The following TDRD1 variants were observed in gnomAD, a reference collection of about 807,000 sequenced individuals.
TDRD1 encodes the protein tudor domain containing 1.
A neutral mutation model predicts 140.6 loss-of-function variants in TDRD1; 37 were observed. That is an observed-to-expected ratio of 0.26 (90% CI 0.20 to 0.35). TDRD1 has a LOEUF of 0.35. TDRD1 is among the 10% of genes least tolerant of loss of function. The pLI is 1.00. For synonymous variants in TDRD1, 506 were observed against 475.7 expected, an observed-to-expected ratio of 1.06 and a Z score of -0.83; for missense variants, 1,243 against 1,393.0, an observed-to-expected ratio of 0.89 and a Z score of 1.71.
Position 114,229,547 on chromosome 10 carries a change from C to CTT in TDRD1, c.3538+1439_3538+1440dup, listed in dbSNP as rs34051507. Among the ~76,000 whole-genome samples the CTT allele has an allele frequency of 6.1e-3, 773 of 126,220 alleles. 17 individuals are homozygous for CTT. Among genetic ancestry groups the CTT allele is most frequent in the African/African-American group, 0.018 (608 of 33,372 alleles). The allele number at this position is 126,220 out of a possible 152,430, so 82.8% of individuals were successfully genotyped here. ...ATGTTTAAGCTTAAAATCTTTTAAT[C>CTT]TTTTTTTTTTTTTTTTTTGGAGACG... is the stretch of plus-strand genomic sequence containing the variant. On this transcript the variant is annotated intron_variant, in intron 25 of 25. Transcript: ENST00000251864.
chr10:114,178,135 G>A (rs1433307535), upstream of TDRD1, among the ~76,000 whole-genome samples: 4 of 151,958 alleles, frequency 2.6e-5, no homozygotes, highest in East Asian at 1.9e-4. Flanking sequence ...GAGCCCCCAC[G>A]CCCAGTCAGC....
At chr10:114,229,642 A>G (rs796541007) in intron 25 of TDRD1, among the ~76,000 whole-genome samples, 5 of 138,652 alleles carry the variant, frequency 3.6e-5, no homozygotes, top group African/African-American at 1.4e-4. Context: ...TCCACCTCCC[A>G]GGTTCACGCA....
Position 114,184,352 on chromosome 10 carries a change from G to A in TDRD1, c.-6-3474G>A, listed in dbSNP as rs1735911351. On this transcript the variant is annotated intron_variant, in intron 1 of 25. Coordinates refer to ENST00000251864, the Ensembl canonical transcript of TDRD1. ...TCTCTGCATAGGCAAACCAGAGCTG[G>A]AGTGATGACGCAAAGGAACCGCCAG... Among the ~76,000 whole-genome samples the A allele has an allele frequency of 2.6e-5, 4 of 152,334 alleles. No individual in the cohort carries two copies. The South Asian group carries it at 8.3e-4, about 32-fold the overall frequency.
chr10:114,227,856 T>G lies in TDRD1; in HGVS notation c.3404-54T>G, dbSNP rs1589720701. 4 of 1,481,314 alleles carry G rather than the reference T, an allele frequency of 2.7e-6. No homozygotes were observed. The East Asian group carries it at 9.0e-5, about 34-fold the overall frequency. 91.8% of individuals were successfully genotyped at this position (1,481,314 alleles called of 1,614,324 possible). A position where few individuals can be genotyped will look rare whatever the true frequency, so the allele number is the denominator to read the frequency against. ...TCTGTATATGTTTACACTCCCAAGT[T>G]TTTCTTCTTTACATTATGTGTTATC... is the stretch of plus-strand genomic sequence containing the variant. On this transcript the variant is annotated intron_variant, in intron 23 of 25. Coordinates refer to ENST00000251864, the Ensembl canonical transcript of TDRD1.
chr10:114,180,883 T>G (rs1048174939), intron 1 of TDRD1, among the ~76,000 whole-genome samples: 4 of 152,218 alleles, frequency 2.6e-5, no homozygotes, highest in Non-Finnish European at 1.5e-5. Flanking sequence ...TGCATACACT[T>G]TTGTTGTTAA....
chr10:114,200,175 T>C (rs7085881), intron 4 of TDRD1, among the ~76,000 whole-genome samples: 35,546 of 152,204 alleles, frequency 0.23, 4,320 homozygotes, highest in Middle Eastern at 0.28. Context: ...CCTCTTGAGT[T>C]CTAATTTTTC....
At chr10:114,214,160 A>G (rs763325188) in intron 16 of TDRD1, 46 bp downstream of exon 16, 40 of 1,560,324 alleles carry the variant, frequency 2.6e-5, no homozygotes, top group Non-Finnish European at 3.4e-5. Context: ...ATACATTGGC[A>G]TAGATAATAA....
chr10:114,205,071 A>T (rs1352302247), intron 10 of TDRD1, among the ~76,000 whole-genome samples, 178 bp downstream of exon 10: 2 of 152,168 alleles, frequency 1.3e-5, no homozygotes. Context: ...AAATTCATAG[A>T]ATTAGGTGGC....
intron 21 of TDRD1, among the ~76,000 whole-genome samples, chr10:114,223,943 T>C (rs913800021): frequency 1.1e-4 from 17 of 152,192 alleles, no homozygotes; most frequent in African/African-American, 2.9e-4. Flanking sequence ...CTCACCATGC[T>C]GAGATCGTTT....
At chr10:114,204,941 C>G in intron 10 of TDRD1, 48 bp downstream of exon 10, 3 of 1,465,200 alleles carry the variant, frequency 2.0e-6, no homozygotes, top group Non-Finnish European at 2.7e-6. Flanking sequence ...TATGTAGTTT[C>G]CACCTGTTAC....
intron 18 of TDRD1, among the ~76,000 whole-genome samples, chr10:114,218,996 T>A (rs763018393): frequency 1.4e-4 from 22 of 152,214 alleles, no homozygotes; most frequent in Non-Finnish European, 2.9e-4. Flanking sequence ...ATTGGGTAAA[T>A]GATCCATAAA....
intron 23 of TDRD1, 99 bp downstream of exon 23, chr10:114,227,398 C>A: frequency 1.2e-6 from 1 of 841,912 alleles, no homozygotes; most frequent in Non-Finnish European, 1.9e-6. Context: ...CCATGCCATA[C>A]TCTCTCCTCC....
intron 13 of TDRD1, 143 bp from the exon 14 acceptor site, chr10:114,211,719 TAAGC>T: frequency 1.4e-6 from 1 of 739,830 alleles, no homozygotes; most frequent in Non-Finnish European, 2.0e-6. Context: ...AGGCTTCTGA[TAAGC>T]AAAATTAGTA....
In TDRD1 at chr10:114,221,410, A is replaced by G. The variant is rs376481564; in HGVS notation, c.2824A>G (p.Ile942Val). Reference sequence around the variant, plus strand: ...GATAGAATTGCCAGTGGATAAAACTATACAAGCAAATGTATTAGAAATCAT... The same window carrying G: ...GATAGAATTGCCAGTGGATAAAACTGTACAAGCAAATGTATTAGAAATCAT... Residue 942 changes from isoleucine (I) to valine (V), a missense_variant, in exon 20 of 26, where the codon ATA becomes GTA. By Grantham distance (29) the Ile-to-Val change is conservative (BLOSUM62 3). This residue lies in a region of TDRD1 where 601 missense variants were observed against 734.7 expected (regional missense o/e 0.82). Transcript: ENST00000251864. 117 of 1,613,366 alleles carry G rather than the reference A, an allele frequency of 7.3e-5. No individual in the cohort carries two copies. The highest frequency in any genetic ancestry group is 1.6e-4 in the Middle Eastern group (1 of 6,078).
intron 8 of TDRD1, 66 bp downstream of exon 8, chr10:114,203,633 C>A: frequency 7.1e-7 from 1 of 1,404,918 alleles, no homozygotes; most frequent in East Asian, 2.3e-5. Context: ...AACTGAACAC[C>A]AGAGCTTTTA....
Position 114,205,835 on chromosome 10 carries a change from T to A in TDRD1, c.1298-409T>A, listed in dbSNP as rs370768838. On this transcript the variant is annotated intron_variant, in intron 10 of 25. Transcript: ENST00000251864. ...ACAATAGGGTGACTGTAGTCAATAATAATTGTACATTTTAAAGTAACTTAG... is the reference window on the plus strand; with the variant it reads ...ACAATAGGGTGACTGTAGTCAATAAAAATTGTACATTTTAAAGTAACTTAG... Among the ~76,000 whole-genome samples the A allele has an allele frequency of 2.0e-4, 31 of 152,320 alleles. No individual in the cohort carries two copies. In the East Asian group the frequency reaches 5.6e-3, roughly 28 times the overall value.
chr10:114,211,905 C>T, exon 14 of TDRD1: 1 of 1,595,368 alleles, frequency 6.3e-7, no homozygotes, highest in Non-Finnish European at 8.5e-7. Flanking sequence ...TTGGCTTACG[C>T]TTCTGAAGAA....
chr10:114,203,996 AGATT>A lies in TDRD1; in HGVS notation c.982-70_982-67del, dbSNP rs146953427. 569 of 1,523,146 alleles carry A rather than the reference AGATT, an allele frequency of 3.7e-4. 2 individuals carry two copies. In the African/African-American group the frequency reaches 6.8e-3, roughly 18 times the overall value. 94.4% of individuals were successfully genotyped at this position (1,523,146 alleles called of 1,614,324 possible). A position where few individuals can be genotyped will look rare whatever the true frequency, so the allele number is the denominator to read the frequency against. On this transcript the variant is annotated intron_variant, in intron 8 of 25. Transcript: ENST00000251864. ...GGAGCCTTTCCTTTGCACGTTCTAT[AGATT>A]GATTGAGGGTTTTTTAATCTAAGAT...
intron 1 of TDRD1, among the ~76,000 whole-genome samples, chr10:114,185,644 A>G (rs1296625076): frequency 6.6e-6 from 1 of 151,240 alleles, no homozygotes; most frequent in African/African-American, 2.4e-5. Flanking sequence ...CTGGAGTGCA[A>G]TGGTGTGATC....
Sources: allele counts gnomAD v4.1 joint callset (sites outside exome capture counted in the v4.1 genomes callset), GRCh38; gene constraint gnomAD v4.1.1; regional missense constraint gnomAD v4.1.1; transcripts MANE v1.5; gene names NCBI Gene and HGNC (gene_info 2026-07-23, HGNC 2026-07-21).